PTPRD: variants seen among roughly 807,000 people sequenced by gnomAD.
PTPRD encodes receptor-type tyrosine-protein phosphatase delta.
PTPRD carries 34 observed loss-of-function variants against 214.5 expected under a neutral mutation model. The ratio of observed to expected loss-of-function variants is 0.16; its 90% CI spans 0.12 to 0.21. The LOEUF is 0.21. PTPRD is among the 10% of genes least tolerant of loss of function. The probability of loss-of-function intolerance (pLI) is 1.00; values close to 1 mark genes in which losing one functional copy is unlikely to be tolerated. For synonymous variants in PTPRD, 1,128 were observed against 845.7 expected (o/e 1.33, Z -5.79); for missense variants, 2,545 against 2,398.7 (o/e 1.06, Z -1.27).
intron 34 of PTPRD, among the ~76,000 whole-genome samples, chr9:8,442,715 T>C (rs1238307554): frequency 6.6e-6 from 1 of 152,198 alleles, no homozygotes; most frequent in Non-Finnish European, 1.5e-5. Flanking sequence ...CTGAATCAAA[T>C]ACAAATACTC....
At chr9:9,208,531 A>G (rs180890876) in intron 9 of PTPRD, among the ~76,000 whole-genome samples, 74 of 152,216 alleles carry the variant, frequency 4.9e-4, no homozygotes, top group Non-Finnish European at 8.2e-4. Context: ...CTTTGTGACT[A>G]TGTTAATATT....
chr9:9,437,643 T>G (rs1184363023), intron 8 of PTPRD, among the ~76,000 whole-genome samples: 2 of 152,166 alleles, frequency 1.3e-5, no homozygotes, highest in Non-Finnish European at 2.9e-5. Flanking sequence ...TGTAAATTAT[T>G]CACCAACTTC....
intron 8 of PTPRD, among the ~76,000 whole-genome samples, chr9:9,510,985 A>G (rs987275175): frequency 6.6e-6 from 1 of 151,768 alleles, no homozygotes; most frequent in African/African-American, 2.4e-5. Context: ...GACACTACAG[A>G]TAGCAACATT....
chr9:9,937,667 A>G (rs543016883), intron 5 of PTPRD, among the ~76,000 whole-genome samples: 1 of 152,278 alleles, frequency 6.6e-6, no homozygotes, highest in Non-Finnish European at 1.5e-5. Flanking sequence ...TATCTATTTT[A>G]TAGCATTTGT....
chr9:10,073,873 G>T (rs759130145), intron 3 of PTPRD, among the ~76,000 whole-genome samples: 1 of 152,066 alleles, frequency 6.6e-6, no homozygotes, highest in Non-Finnish European at 1.5e-5. Context: ...TTCAAAAAGT[G>T]ACTAATTTTC....
At chr9:8,621,346 CA>C (rs1312016222) in intron 14 of PTPRD, among the ~76,000 whole-genome samples, 1 of 151,956 alleles carries the variant, frequency 6.6e-6, no homozygotes, top group African/African-American at 2.4e-5. Context: ...AAAGACATCA[CA>C]TCAGCATTTC....
At chr9:10,468,580 T>G (rs1236710512) in intron 2 of PTPRD, among the ~76,000 whole-genome samples, 1 of 152,168 alleles carries the variant, frequency 6.6e-6, no homozygotes, top group Non-Finnish European at 1.5e-5. Flanking sequence ...CAAACCACCA[T>G]GGCACATGTA....
At chr9:8,955,400 C>G (rs148630885) in intron 11 of PTPRD, among the ~76,000 whole-genome samples, 2,061 of 151,748 alleles carry the variant, frequency 0.014, 19 homozygotes, top group Middle Eastern at 0.024. Flanking sequence ...ACTATAAGCT[C>G]GTAGACTCAA....
intron 3 of PTPRD, among the ~76,000 whole-genome samples, chr9:10,266,861 T>G (rs899901141): frequency 6.6e-6 from 1 of 152,064 alleles, no homozygotes; most frequent in Non-Finnish European, 1.5e-5. Flanking sequence ...GTCAGAAAAC[T>G]TCATGAAGAA....
chr9:10,184,105 T>A (rs191361532), intron 3 of PTPRD, among the ~76,000 whole-genome samples: 12 of 152,204 alleles, frequency 7.9e-5, no homozygotes, highest in Admixed American at 7.2e-4. Context: ...CTTTCAATAA[T>A]GAGATGATGC....
At chr9:9,666,121 A>G (rs1343157186) in intron 7 of PTPRD, among the ~76,000 whole-genome samples, 1 of 151,894 alleles carries the variant, frequency 6.6e-6, no homozygotes, top group East Asian at 1.9e-4. Context: ...CCAAAATTCT[A>G]CCTAGGCCTT....
At chr9:10,408,848 G>C (rs551938241) in intron 2 of PTPRD, among the ~76,000 whole-genome samples, 130 of 151,836 alleles carry the variant, frequency 8.6e-4, no homozygotes, top group African/African-American at 2.7e-3. Flanking sequence ...TGCTTTGCAA[G>C]ATACCTGGAA....
intron 5 of PTPRD, among the ~76,000 whole-genome samples, chr9:9,850,056 C>G (rs922889078): frequency 6.6e-6 from 1 of 152,042 alleles, no homozygotes; most frequent in Non-Finnish European, 1.5e-5. Context: ...GAGTAGTTAC[C>G]CAGATATTCC....
intron 4 of PTPRD, among the ~76,000 whole-genome samples, chr9:9,988,752 TTAAG>T (rs2095806724): frequency 6.6e-6 from 1 of 151,972 alleles, no homozygotes; most frequent in Non-Finnish European, 1.5e-5. Context: ...AAAAAGTGTA[TTAAG>T]TAATTTTTAA....
chr9:8,401,289 T>C (rs916167453), intron 36 of PTPRD, among the ~76,000 whole-genome samples: 3 of 152,020 alleles, frequency 2.0e-5, no homozygotes, highest in Non-Finnish European at 4.4e-5. Context: ...CTCAGCCTCC[T>C]GAGTAGCTGG....
intron 4 of PTPRD, among the ~76,000 whole-genome samples, chr9:10,013,243 G>A (rs2096636744): frequency 6.6e-6 from 1 of 151,878 alleles, no homozygotes; most frequent in Non-Finnish European, 1.5e-5. Context: ...CACTGGAGGA[G>A]ACATCAGGTC....
At chr9:9,030,991 C>G (rs942055542) in intron 10 of PTPRD, among the ~76,000 whole-genome samples, 1 of 151,794 alleles carries the variant, frequency 6.6e-6, no homozygotes, top group Non-Finnish European at 1.5e-5. Context: ...ATGGCTGAGT[C>G]TGATATAATG....
intron 11 of PTPRD, among the ~76,000 whole-genome samples, chr9:8,777,561 G>A (rs560323351): frequency 6.6e-6 from 1 of 152,128 alleles, no homozygotes. Flanking sequence ...TGTTTTTTAA[G>A]ATACCTAAAA....
chr9:8,373,898 CTATCTATCTATCTAT>C lies in PTPRD; in HGVS notation c.4661+2023_4661+2037del, dbSNP rs1564368922. ...TCTATCTATCTATCTATCTATCTAT[CTATCTATCTATCTAT>C]CTACCTACCTACCTATCTCAGTTTT... is the stretch of plus-strand genomic sequence containing the variant. On this transcript the variant is annotated intron_variant, in intron 39 of 45. Coordinates refer to ENST00000381196, the MANE Select transcript of PTPRD (RefSeq NM_002839.4). Among the ~76,000 whole-genome samples, 522 of 109,962 alleles carry C rather than the reference CTATCTATCTATCTAT, an allele frequency of 4.7e-3. 4 individuals are homozygous for C. The highest frequency in any genetic ancestry group is 0.028 in the African/African-American group (465 of 16,892). The allele number at this position is 109,962 out of a possible 152,430, so 72.1% of individuals were successfully genotyped here. A position where few individuals can be genotyped will look rare whatever the true frequency, so the allele number is the denominator to read the frequency against.
Sources: gnomAD v4.1 joint callset for allele counts (sites outside exome capture counted in the v4.1 genomes callset) on GRCh38, gnomAD v4.1.1 for gene constraint, MANE v1.5 for transcripts, NCBI Gene and HGNC (gene_info 2026-07-23, HGNC 2026-07-21) for gene names.